PPP6R1: variants seen among roughly 807,000 people sequenced by gnomAD.
PPP6R1 encodes protein phosphatase 6 regulatory subunit 1, also known as serine/threonine-protein phosphatase 6 regulatory subunit 1.
A neutral mutation model predicts 104.6 loss-of-function variants in PPP6R1; 39 were observed. The ratio of observed to expected loss-of-function variants is 0.37; its 90% confidence interval spans 0.29 to 0.49. The LOEUF (loss-of-function observed/expected upper bound fraction) is 0.49, where lower values mean the gene tolerates loss of function less well. Among genes scored for constraint, PPP6R1 ranks in the 20% least tolerant of loss-of-function variants. The probability of loss-of-function intolerance (pLI) is 0.98; values close to 1 mark genes in which losing one functional copy is unlikely to be tolerated. For synonymous variants in PPP6R1, 549 were observed against 479.0 expected (o/e 1.15, Z -1.91); for missense variants, 1,181 against 1,155.8 (o/e 1.02, Z -0.32).
At chr19:55,251,838 G>A (rs986249990) in intron 1 of PPP6R1, among the ~76,000 whole-genome samples, 7 of 152,148 alleles carry the variant, frequency 4.6e-5, no homozygotes, top group Non-Finnish European at 8.8e-5. Flanking sequence ...GTGTACCTGG[G>A]ACCAGAATAA....
In PPP6R1 at chr19:55,241,707, C is replaced by G; in HGVS notation, c.846-68G>C. 6.8e-7 allele frequency: 1 copy of G among 1,464,618 alleles called. No homozygotes were observed. 90.7% of individuals were successfully genotyped at this position (1,464,618 alleles called of 1,614,324 possible). On this transcript the variant is annotated intron_variant, in intron 7 of 23. Transcript: ENST00000412770. The surrounding 1 kb of genome is among the most constrained non-coding windows in gnomAD (Gnocchi z 5.4). ...CTGTGCGCCCACACAGGAGTAGGCA[C>G]AAGGACCACGTCTGCAGGGTCTGGA... is the stretch of plus-strand genomic sequence containing the variant.
Position 55,230,632 on chromosome 19 carries a change from GC to G in PPP6R1, c.2622del (p.Pro875LeufsTer43). 1 of 1,611,346 alleles carries G rather than the reference GC, an allele frequency of 6.2e-7. No individual in the cohort carries two copies. Among genetic ancestry groups the G allele is most frequent in the Non-Finnish European group, 8.5e-7 (1 of 1,178,776 alleles). On this transcript the variant is annotated frameshift_variant, in exon 23 of 24. Coordinates refer to ENST00000412770, the MANE Select transcript of PPP6R1 (RefSeq NM_014931.4). LOFTEE classifies it high-confidence loss of function. ...ACTCACTGGGAGCCTGGGGATGCAG[GC>G]CCTTCCGGGGCAGAGCCATTGGGTA... ...PPIPNGSAPE[G>X]PASPGSQ
rs1285248869 is a variant in PPP6R1 at position 55,230,489 on chromosome 19, G to A, written c.*39C>T. ...TGCCCCCACCCCGGGAGATCCACGG[G>A]AGGACGGAAGATTTGGCCGCCGCTG... On this transcript the variant is annotated 3_prime_UTR_variant, in exon 24 of 24. Coordinates refer to ENST00000412770, the MANE Select transcript of PPP6R1 (RefSeq NM_014931.4). The A allele has an allele frequency of 6.8e-6, 11 of 1,612,372 alleles. 1 individual carries two copies. Among genetic ancestry groups the A allele is most frequent in the Non-Finnish European group, 9.3e-6 (11 of 1,179,644 alleles).
intron 17 of PPP6R1, 197 bp from the exon 18 acceptor site, chr19:55,232,408 C>T (rs958331675): frequency 8.3e-6 from 6 of 724,138 alleles, no homozygotes; most frequent in South Asian, 6.7e-5. Flanking sequence ...GGCAAGAACA[C>T]AGGCGGGCAG....
At position 55,236,724 on chromosome 19, in the gene PPP6R1, CCT is replaced by C; in HGVS notation, c.1905_1906del (p.Glu637ValfsTer2). On this transcript the variant is annotated frameshift_variant, in exon 17 of 24. Coordinates refer to ENST00000412770, the MANE Select transcript of PPP6R1 (RefSeq NM_014931.4). LOFTEE classifies it high-confidence loss of function. ...GGCGCCATCTTCTCCATCAGACTCC[CCT>C]GAGCCCTGGGCCTCTTCCTCGTCCT... 6.2e-7 allele frequency: 1 copy of C among 1,613,752 alleles called. No homozygotes were observed. Among genetic ancestry groups the C allele is most frequent in the Non-Finnish European group, 8.5e-7 (1 of 1,179,776 alleles).
rs536993366 is a variant in PPP6R1 at position 55,239,515 on chromosome 19, G to C, written c.1654-13C>G. 2 of 1,613,362 alleles carry C rather than the reference G, an allele frequency of 1.2e-6. No homozygotes were observed. ...AGTCCATGAAGGCCTGTGGGGGTGCGGAGGTTAGGGCTGGAGGGAGTTGGG... is the reference window on the plus strand; with the variant it reads ...AGTCCATGAAGGCCTGTGGGGGTGCCGAGGTTAGGGCTGGAGGGAGTTGGG... On this transcript the variant is annotated splice_polypyrimidine_tract_variant and intron_variant, in intron 14 of 23. Coordinates refer to ENST00000412770, the MANE Select transcript of PPP6R1 (RefSeq NM_014931.4).
chr19:55,240,596 T>C (rs989088328), intron 10 of PPP6R1, among the ~76,000 whole-genome samples: 4 of 151,116 alleles, frequency 2.6e-5, no homozygotes, highest in African/African-American at 9.7e-5. Context: ...CACACATACA[T>C]GTTCACATAC....
Position 55,232,225 on chromosome 19 carries a change from C to A in PPP6R1, c.1989-14G>T. 6.5e-7 allele frequency: 1 copy of A among 1,533,220 alleles called. No homozygotes were observed. The highest frequency in any genetic ancestry group is 8.8e-7 in the Non-Finnish European group (1 of 1,136,438). The allele number at this position is 1,533,220 out of a possible 1,614,324, so 95.0% of individuals were successfully genotyped here. On this transcript the variant is annotated splice_polypyrimidine_tract_variant and intron_variant, in intron 17 of 23. Coordinates refer to ENST00000412770, the MANE Select transcript of PPP6R1 (RefSeq NM_014931.4). ...CTGCCTCCACTCCTGCCCCAGAAAC[C>A]ACCTCGTCAGCTAGCTGTGTGGGAC...
intron 1 of PPP6R1, among the ~76,000 whole-genome samples, chr19:55,253,878 C>A (rs1001244720): frequency 2.0e-5 from 3 of 152,152 alleles, no homozygotes; most frequent in African/African-American, 4.8e-5. Context: ...CGCTTGATTT[C>A]TCTGAGTCTC....
In PPP6R1 at chr19:55,258,275, G is replaced by C. The variant is rs980782314; in HGVS notation, c.-7+160C>G. Among the ~76,000 whole-genome samples the C allele has an allele frequency of 1.8e-4, 28 of 152,294 alleles. No individual in the cohort carries two copies. In the East Asian group the frequency reaches 5.0e-3, roughly 27 times the overall value. ...GGGGAGGGTCGAGGGGGAAGAAACGGGGTGCCGTGGAGAGGAAACCCGAAG... is the reference window on the plus strand; with the variant it reads ...GGGGAGGGTCGAGGGGGAAGAAACGCGGTGCCGTGGAGAGGAAACCCGAAG... On this transcript the variant is annotated intron_variant, in intron 1 of 23. Transcript: ENST00000412770.
chr19:55,235,581 C>G lies in PPP6R1; in HGVS notation c.1988+1062G>C, dbSNP rs1309733207. Among the ~76,000 whole-genome samples, 47 of 151,206 alleles carry G rather than the reference C, an allele frequency of 3.1e-4. 1 individual carries two copies. Among genetic ancestry groups the G allele is most frequent in the Admixed American group, 3.1e-3 (47 of 15,162 alleles). ...TCGCCCAGGCTGGAGTACAGTGGCG[C>G]AATCTTGGCTCACTGCAAGCTCCGC... On this transcript the variant is annotated intron_variant, in intron 17 of 23. Coordinates refer to ENST00000412770, the MANE Select transcript of PPP6R1 (RefSeq NM_014931.4).
At chr19:55,230,927 C>T (rs537268630) in intron 21 of PPP6R1, 43 bp from the exon 22 acceptor site, 70 of 1,477,744 alleles carry the variant, frequency 4.7e-5, no homozygotes, top group Admixed American at 1.4e-4. Context: ...TGGCCCCCAC[C>T]GTCACCTGCT....
chr19:55,243,413 A>G (rs551318400), intron 5 of PPP6R1, among the ~76,000 whole-genome samples: 1 of 151,806 alleles, frequency 6.6e-6, no homozygotes, highest in East Asian at 1.9e-4. Flanking sequence ...TCAAAAAAAA[A>G]AAAAAAAAAA....
rs1001287652 is a variant in PPP6R1 at position 55,241,987 on chromosome 19, C to T, written c.845+179G>A. Among the ~76,000 whole-genome samples the T allele has an allele frequency of 6.6e-6, 1 of 152,174 alleles. No homozygotes were observed. Among genetic ancestry groups the T allele is most frequent in the Non-Finnish European group, 1.5e-5 (1 of 68,024 alleles). ...GCCTCAGTGCCCTCACTTGTCAAAG[C>T]AGACAAGAAGATTCCTCCCTCGGCC... On this transcript the variant is annotated intron_variant, in intron 7 of 23. Transcript: ENST00000412770. The surrounding 1 kb of genome is among the most constrained non-coding windows in gnomAD (Gnocchi z 5.4).
At chr19:55,256,714 A>AT (rs1196165183) in intron 1 of PPP6R1, among the ~76,000 whole-genome samples, 1 of 152,234 alleles carries the variant, frequency 6.6e-6, no homozygotes, top group Non-Finnish European at 1.5e-5. Context: ...TTGAGCAAGC[A>AT]TTGCAGGACG....
chr19:55,248,711 C>T (rs112037772), intron 1 of PPP6R1, among the ~76,000 whole-genome samples: 3 of 152,328 alleles, frequency 2.0e-5, no homozygotes, highest in Non-Finnish European at 2.9e-5. Flanking sequence ...CAGCCCCAGG[C>T]CCCAGGGAAG....
chr19:55,249,930 C>T lies in PPP6R1; in HGVS notation c.-6-2821G>A, dbSNP rs565356823. On this transcript the variant is annotated intron_variant, in intron 1 of 23. Coordinates refer to ENST00000412770, the MANE Select transcript of PPP6R1 (RefSeq NM_014931.4). ...TCCACCAAGCCTGCATCCAGGCTCT[C>T]GTGCCCCTGCCCAGCCAGCTCACTG... is the stretch of plus-strand genomic sequence containing the variant. 2.6e-5 allele frequency among the ~76,000 whole-genome samples: 4 copies of T among 152,330 alleles called. No individual in the cohort carries two copies. In the South Asian group the frequency reaches 6.2e-4, roughly 24 times the overall value.
chr19:55,236,987 G>A lies in PPP6R1; in HGVS notation c.1752-17C>T, dbSNP rs1248518256. On this transcript the variant is annotated splice_polypyrimidine_tract_variant and intron_variant, in intron 15 of 23. Transcript: ENST00000412770. The stretch of plus-strand genomic sequence containing the variant: ...AAAGGTGCGCTAGGAGAGAAGGCAA[G>A]GCATGGTGAGAAGGTCCACCTGGGG... 6.2e-7 allele frequency: 1 copy of A among 1,601,080 alleles called. No homozygotes were observed. The highest frequency in any genetic ancestry group is 2.2e-5 in the East Asian group (1 of 44,818).
chr19:55,245,588 G>C lies in PPP6R1; in HGVS notation c.318C>G (p.Leu106=). The C allele has an allele frequency of 2.5e-6, 4 of 1,612,996 alleles. No homozygotes were observed. The highest frequency in any genetic ancestry group is 3.4e-6 in the Non-Finnish European group (4 of 1,179,734). ...TGCCGGTGCTCTGCAGGAAGCCGTA[G>C]AGCCGGTTCAGAAGGGACTCATCAG... is the stretch of plus-strand genomic sequence containing the variant. ...LGADESLLNR[L]YGFLQSTGSL... The change falls in exon 3 of 24, where the codon CTC becomes CTG. Residue 106 remains leucine, a synonymous_variant. Coordinates refer to ENST00000412770, the MANE Select transcript of PPP6R1 (RefSeq NM_014931.4). The surrounding 1 kb of genome is among the most constrained non-coding windows in gnomAD (Gnocchi z 6.4).
Sources: gnomAD v4.1 joint callset for allele counts (sites outside exome capture counted in the v4.1 genomes callset) on GRCh38, gnomAD v4.1.1 for gene constraint, Gnocchi (gnomAD v3.1) non-coding constraint, MANE v1.5 for transcripts, NCBI Gene and HGNC (gene_info 2026-07-23, HGNC 2026-07-21) for gene names.